The following PCM1 variants were observed in gnomAD, a reference collection of about 807,000 sequenced individuals.
PCM1 encodes the protein pericentriolar material 1.
A neutral mutation model predicts 241.9 loss-of-function variants in PCM1; 157 were observed. The observed-to-expected ratio is 0.65, with a 90% CI of 0.57 to 0.74. PCM1 has a LOEUF of 0.74. PCM1 is among the 30% of genes least tolerant of loss of function. The pLI is 0.00. For missense variants in PCM1, 3,478 were observed against 2,360.1 expected (o/e 1.47, Z -9.81); for synonymous variants, 1,085 against 784.9 (o/e 1.38, Z -6.39).
chr8:17,930,318 T>A (rs1436335984), intron 2 of PCM1, among the ~76,000 whole-genome samples: 1 of 151,700 alleles, frequency 6.6e-6, no homozygotes, highest in East Asian at 2.0e-4. Flanking sequence ...TTAGCCAGGA[T>A]GGTCTCGATC....
Position 17,957,384 on chromosome 8 carries a change from T to C in PCM1, c.1767T>C (p.Ala589=), listed in dbSNP as rs764463650. ...ATTGTGAAATTAACAACAGATCTGC[T>C]GCCAACATAAGGGCTCTAAACATGC... is the stretch of plus-strand genomic sequence containing the variant. ...NSNCEINNRS[A]ANIRALNMPP... is the part of the protein sequence containing the mutation. Residue 589 remains alanine (A), a synonymous_variant, in exon 12 of 39, where the codon GCT becomes GCC. Transcript: ENST00000325083. The C allele has an allele frequency of 1.2e-6, 2 of 1,612,796 alleles. No homozygotes were observed. Among genetic ancestry groups the C allele is most frequent in the East Asian group, 2.2e-5 (1 of 44,864 alleles).
At chr8:17,939,094 C>G (rs117000699) in intron 5 of PCM1, 85 bp downstream of exon 5, 24,997 of 1,361,774 alleles carry the variant, frequency 0.018, 395 homozygotes, top group South Asian at 0.048. Flanking sequence ...GTTACGCACA[C>G]AGGAATTTTA....
chr8:17,957,605 G>A lies in PCM1; in HGVS notation c.1870G>A (p.Glu624Lys), dbSNP rs200548498. 1,137 of 1,575,160 alleles carry A rather than the reference G, an allele frequency of 7.2e-4. 8 individuals carry two copies. In the Middle Eastern group the frequency reaches 9.8e-3, roughly 14 times the overall value. The change falls in exon 13 of 39, where the codon GAG becomes AAG. Residue 624 changes from glutamate to lysine, a missense_variant. By Grantham distance (56) the Glu-to-Lys change is moderately conservative. Transcript: ENST00000325083. ...HVAQGEDDEE[E>K]EEEAEEEGVS... is the part of the protein sequence containing the mutation. Reference sequence around the variant, plus strand: ...TGCACAAGGTGAAGATGATGAGGAGGAGGAGGAAGAAGCAGAAGAGGAGGG... The same window carrying A: ...TGCACAAGGTGAAGATGATGAGGAGAAGGAGGAAGAAGCAGAAGAGGAGGG...
intron 29 of PCM1, among the ~76,000 whole-genome samples, chr8:18,000,888 C>T (rs931956248): frequency 1.3e-5 from 2 of 152,166 alleles, no homozygotes; most frequent in Non-Finnish European, 2.9e-5. Context: ...GGATTATAGG[C>T]TCGAGCCACT....
At position 18,011,731 on chromosome 8, in the gene PCM1, T is replaced by C. The variant is rs1454078225; in HGVS notation, c.5415T>C (p.Asp1805=). The C allele has an allele frequency of 1.2e-6, 2 of 1,613,386 alleles. No individual in the cohort carries two copies. The highest frequency in any genetic ancestry group is 1.3e-5 in the African/African-American group (1 of 74,908). The stretch of plus-strand genomic sequence containing the variant: ...GAAGTGGAGAAGATGAAAATGAGGA[T>C]GAAGAAATGGAAGAATTTGAAGAAG... ...NYGSGEDENE[D]EEMEEFEEGP... is the part of the protein sequence containing the mutation. Residue 1805 remains aspartate, a synonymous_variant, in exon 34 of 39, where the codon GAT becomes GAC. Transcript: ENST00000325083.
rs973797193 is a variant in PCM1 at position 17,959,925 on chromosome 8, A to G, written c.2041-89A>G. The G allele has an allele frequency of 8.0e-6, 10 of 1,251,872 alleles. No homozygotes were observed. In the East Asian group the frequency reaches 1.5e-4, roughly 19 times the overall value. The allele number at this position is 1,251,872 out of a possible 1,614,324, so 77.5% of individuals were successfully genotyped here. A position where few individuals can be genotyped will look rare whatever the true frequency, so the allele number is the denominator to read the frequency against. On this transcript the variant is annotated intron_variant, in intron 13 of 38. Transcript: ENST00000325083. ...TTACTGCTTTAATCTTTTTATGTAA[A>G]TTTTACAGACTAGTGGTATTTACTA...
chr8:17,983,430 A>G, intron 24 of PCM1: 2 of 330,500 alleles, frequency 6.1e-6, no homozygotes, highest in South Asian at 3.1e-5. Flanking sequence ...AAGATAATTT[A>G]TATTCATAAA....
intron 29 of PCM1, 89 bp from the exon 30 acceptor site, chr8:18,006,173 TA>T: frequency 9.5e-7 from 1 of 1,055,968 alleles, no homozygotes; most frequent in Non-Finnish European, 1.3e-6. Context: ...GCAAGAAAAT[TA>T]AAAATTAACA....
chr8:17,935,571 TCTTAA>T lies in PCM1; in HGVS notation c.-22-14_-22-10del, dbSNP rs1482961805. 6.9e-6 allele frequency: 6 copies of T among 872,454 alleles called. No homozygotes were observed. In the Admixed American group the frequency reaches 7.3e-5, roughly 11 times the overall value. 54.0% of individuals were successfully genotyped at this position (872,454 alleles called of 1,614,324 possible). On this transcript the variant is annotated splice_polypyrimidine_tract_variant and intron_variant, in intron 2 of 38. Coordinates refer to ENST00000325083, the MANE Select transcript of PCM1 (RefSeq NM_006197.4). ...GTTTTTATGTGTTATAAAGCTCAGT[TCTTAA>T]CTTGTTTCGCAGAGAGTTAATTGTT...
rs1350092616 is a variant in PCM1, at chr8:17,957,685, A to G, written c.1950A>G (p.Pro650=). The stretch of plus-strand genomic sequence containing the variant: ...GGAGCAGTCTGGTTGATGAGCATCC[A>G]GAAGATGCTGAATTTGAACAGAAGA... ...SHRSSLVDEH[P]EDAEFEQKIN... The change falls in exon 13 of 39, where the codon CCA becomes CCG. Residue 650 remains proline, a synonymous_variant. Coordinates refer to ENST00000325083, the MANE Select transcript of PCM1 (RefSeq NM_006197.4). 1 of 1,611,688 alleles carries G rather than the reference A, an allele frequency of 6.2e-7. No homozygotes were observed. Among genetic ancestry groups the G allele is most frequent in the African/African-American group, 1.3e-5 (1 of 74,890 alleles).
chr8:17,988,457 A>G (rs1028698692), intron 26 of PCM1, among the ~76,000 whole-genome samples: 2 of 152,016 alleles, frequency 1.3e-5, no homozygotes, highest in African/African-American at 4.8e-5. Flanking sequence ...AAACTTTTAA[A>G]AGAAAATGGG....
intron 21 of PCM1, 76 bp downstream of exon 21, chr8:17,967,246 T>C: frequency 1.0e-6 from 1 of 997,394 alleles, no homozygotes; most frequent in South Asian, 1.6e-5. Context: ...ATTGCCTAGA[T>C]GTTTTAACAT....
intron 36 of PCM1, 145 bp downstream of exon 36, chr8:18,014,985 C>A: frequency 5.7e-6 from 4 of 699,730 alleles, no homozygotes; most frequent in Non-Finnish European, 6.9e-6. Context: ...CACACTTTAA[C>A]TTTAGCAGAA....
At chr8:17,934,204 TTAGGG>T (rs1213311196) in intron 2 of PCM1, among the ~76,000 whole-genome samples, 1 of 151,998 alleles carries the variant, frequency 6.6e-6, no homozygotes, top group Non-Finnish European at 1.5e-5. Context: ...ATGGGATGAG[TTAGGG>T]TCTTAGAATT....
Position 17,956,732 on chromosome 8 carries a change from A to C in PCM1, c.1601A>C (p.Glu534Ala). 4 of 1,609,274 alleles carry C rather than the reference A, an allele frequency of 2.5e-6. No homozygotes were observed. The highest frequency in any genetic ancestry group is 3.4e-6 in the Non-Finnish European group (4 of 1,177,312). Residue 534 changes from glutamate to alanine, a missense_variant, in exon 11 of 39, where the codon GAA (glutamate) becomes GCA (alanine). Physicochemically the swap from Glu to Ala is moderately radical, Grantham distance 107 (BLOSUM62 -1). Transcript: ENST00000325083. ...AAAGATGAAGAAACTGAAGAGTCAG[A>C]ATATGATTCTGAGCATGAAAATTCC... is the stretch of plus-strand genomic sequence containing the variant. Reference protein sequence around the residue: ...NRKDEETEESEYDSEHENSEP... With the variant: ...NRKDEETEESAYDSEHENSEP...
intron 31 of PCM1, 147 bp from the exon 32 acceptor site, chr8:18,010,462 G>A (rs1011323557): frequency 3.5e-6 from 2 of 574,288 alleles, no homozygotes; most frequent in East Asian, 3.4e-5. Flanking sequence ...AAATAAAACA[G>A]CATGATACTA....
In PCM1 at chr8:17,985,597, A is replaced by G. The variant is rs1270585546; in HGVS notation, c.4259A>G (p.Gln1420Arg). Residue 1420 changes from glutamine (Q) to arginine (R), a missense_variant, in exon 25 of 39, where the codon CAG (glutamine) becomes CGG (arginine). Transcript: ENST00000325083. ...LQLLNTDYLR[Q>R]RALYALQDIV... is the part of the protein sequence containing the mutation. ...CTACTAAACACAGACTACTTGAGAC[A>G]GAGGGCTTTATATGCATTGCAGGTA... 2 of 1,607,204 alleles carry G rather than the reference A, an allele frequency of 1.2e-6. No homozygotes were observed. Among genetic ancestry groups the G allele is most frequent in the African/African-American group, 1.3e-5 (1 of 74,820 alleles).
intron 29 of PCM1, among the ~76,000 whole-genome samples, chr8:17,999,653 A>G (rs934503411): frequency 6.6e-6 from 1 of 152,140 alleles, no homozygotes; most frequent in African/African-American, 2.4e-5. Flanking sequence ...GCAATTCAAG[A>G]TGGTCTTTCC....
intron 9 of PCM1, among the ~76,000 whole-genome samples, chr8:17,954,433 A>G (rs868403979): frequency 3.3e-5 from 5 of 151,992 alleles, no homozygotes; most frequent in South Asian, 2.1e-4. Context: ...ATCTCAAAAA[A>G]AAAAAAAAAG....
Sources: gnomAD v4.1 joint callset for allele counts (sites outside exome capture counted in the v4.1 genomes callset) on GRCh38, gnomAD v4.1.1 for gene constraint, MANE v1.5 for transcripts, NCBI Gene and HGNC (gene_info 2026-07-23, HGNC 2026-07-21) for gene names.